KDM4B: variants seen among roughly 807,000 people sequenced by gnomAD.
The protein encoded by KDM4B is lysine-specific demethylase 4B.
In KDM4B, 32 loss-of-function variants were observed where a neutral mutation model predicts 125.2. The observed-to-expected ratio is 0.26, with a 90% CI of 0.19 to 0.34. The LOEUF is 0.34. Among genes scored for constraint, KDM4B ranks in the 10% least tolerant of loss-of-function variants. The pLI is 1.00. For synonymous variants in KDM4B, 721 were observed against 677.9 expected, an observed-to-expected ratio of 1.06 and a Z score of -0.99; for missense variants, 1,190 against 1,577.7, an observed-to-expected ratio of 0.75 and a Z score of 4.16.
chr19:4,996,191 T>C (rs986646246), intron 1 of KDM4B, among the ~76,000 whole-genome samples: 8 of 152,262 alleles, frequency 5.3e-5, no homozygotes, highest in Non-Finnish European at 1.2e-4. Context: ...GGTTTCTCCA[T>C]GTTGGCCAGG....
intron 5 of KDM4B, among the ~76,000 whole-genome samples, chr19:5,042,630 G>C (rs533694950): frequency 6.6e-6 from 1 of 151,868 alleles, no homozygotes; most frequent in Non-Finnish European, 1.5e-5. Flanking sequence ...ACTTAGAGTC[G>C]TGGCAAAGGT....
chr19:5,101,758 A>G (rs1199760291), intron 9 of KDM4B, among the ~76,000 whole-genome samples: 2 of 151,460 alleles, frequency 1.3e-5, no homozygotes, highest in Non-Finnish European at 2.9e-5. Context: ...GGAGGGCCTC[A>G]CTCGGTGCTT....
chr19:5,096,824 C>T (rs1055930682), intron 9 of KDM4B, among the ~76,000 whole-genome samples: 9 of 151,420 alleles, frequency 5.9e-5, no homozygotes, highest in African/African-American at 1.9e-4. Context: ...CCGGCGGTGT[C>T]GGTGGTGCGT....
At chr19:5,150,094 T>A (rs2146122616) in intron 21 of KDM4B, among the ~76,000 whole-genome samples, 1 of 152,338 alleles carries the variant, frequency 6.6e-6, no homozygotes, top group Non-Finnish European at 1.5e-5. Flanking sequence ...TCTGTCTCCA[T>A]GTGGAAGCTG....
chr19:4,994,860 A>C (rs2035149834), intron 1 of KDM4B, among the ~76,000 whole-genome samples: 2 of 152,122 alleles, frequency 1.3e-5, no homozygotes, highest in Admixed American at 1.3e-4. Flanking sequence ...TATTTTTGGA[A>C]GTATTTTCTT....
At position 5,127,028 on chromosome 19, in the gene KDM4B, G is replaced by A. The variant is rs532056408; in HGVS notation, c.1316-4048G>A. Among the ~76,000 whole-genome samples, 16 of 152,332 alleles carry A rather than the reference G, an allele frequency of 1.1e-4. No homozygotes were observed. The East Asian group carries it at 1.5e-3, about 15-fold the overall frequency. On this transcript the variant is annotated intron_variant, in intron 11 of 22. Coordinates refer to ENST00000159111, the MANE Select transcript of KDM4B (RefSeq NM_015015.3). ...TGGAGGCTCTGGTGGAAACCCCGGCGCTGGGGAGGAGTGGCCTCGCCACCA... is the reference window on the plus strand; with the variant it reads ...TGGAGGCTCTGGTGGAAACCCCGGCACTGGGGAGGAGTGGCCTCGCCACCA...
chr19:5,090,461 C>G (rs1193130464), intron 9 of KDM4B, among the ~76,000 whole-genome samples: 1 of 60,206 alleles, frequency 1.7e-5, no homozygotes, highest in Admixed American at 1.5e-4. Flanking sequence ...CCTCTCTCTC[C>G]GCCTCTTTCT....
intron 9 of KDM4B, among the ~76,000 whole-genome samples, chr19:5,090,045 A>C (rs893655252): frequency 6.6e-6 from 1 of 152,210 alleles, no homozygotes; most frequent in East Asian, 1.9e-4. Flanking sequence ...AAAACTGTGA[A>C]GACCCCCAAA....
intron 6 of KDM4B, among the ~76,000 whole-genome samples, chr19:5,048,327 C>T (rs77633048): frequency 0.016 from 2,368 of 152,252 alleles, 28 homozygotes; most frequent in Middle Eastern, 0.1. Context: ...CATGTGAGTG[C>T]GCACGTGAGT....
At chr19:5,028,353 G>A (rs1176484105) in intron 2 of KDM4B, among the ~76,000 whole-genome samples, 1 of 152,192 alleles carries the variant, frequency 6.6e-6, no homozygotes, top group Admixed American at 6.5e-5. Flanking sequence ...TTTTGTGTCT[G>A]GCTTCTCTCA....
At chr19:5,086,349 G>A (rs2038496737) in intron 9 of KDM4B, among the ~76,000 whole-genome samples, 1 of 152,138 alleles carries the variant, frequency 6.6e-6, no homozygotes, top group Admixed American at 6.5e-5. Flanking sequence ...CCGACGCTGT[G>A]CCGTCTGCAA....
In KDM4B at chr19:5,151,576, C is replaced by T; in HGVS notation, c.*65C>T. 1 of 1,256,734 alleles carries T rather than the reference C, an allele frequency of 8.0e-7. No homozygotes were observed. The highest frequency in any genetic ancestry group is 1.0e-6 in the Non-Finnish European group (1 of 989,796). The allele number at this position is 1,256,734 out of a possible 1,614,324, so 77.8% of individuals were successfully genotyped here. A position where few individuals can be genotyped will look rare whatever the true frequency, so the allele number is the denominator to read the frequency against. ...GGCCATGGCATGCCCCGGGCGTTCGCTTGCTGTGAATTCCTGTCCTCGTGT... is the reference window on the plus strand; with the variant it reads ...GGCCATGGCATGCCCCGGGCGTTCGTTTGCTGTGAATTCCTGTCCTCGTGT... On this transcript the variant is annotated 3_prime_UTR_variant, in exon 23 of 23. Coordinates refer to ENST00000159111, the MANE Select transcript of KDM4B (RefSeq NM_015015.3).
chr19:5,092,767 C>G (rs973934513), intron 9 of KDM4B, among the ~76,000 whole-genome samples: 1 of 152,148 alleles, frequency 6.6e-6, no homozygotes, highest in Non-Finnish European at 1.5e-5. Flanking sequence ...GGAGGGGGCT[C>G]GCAGGGCCTG....
chr19:5,031,246 G>A (rs546302402), intron 2 of KDM4B, among the ~76,000 whole-genome samples: 1 of 152,358 alleles, frequency 6.6e-6, no homozygotes, highest in East Asian at 1.9e-4. Flanking sequence ...TGGGCGAGGG[G>A]CCCGCTGGGA....
intron 2 of KDM4B, among the ~76,000 whole-genome samples, chr19:5,026,310 C>A (rs1161734495): frequency 6.6e-6 from 1 of 151,922 alleles, no homozygotes; most frequent in Non-Finnish European, 1.5e-5. Context: ...CAGGCGTGAG[C>A]CACCACGCCC....
chr19:5,084,418 T>G (rs1372237902), intron 9 of KDM4B, among the ~76,000 whole-genome samples: 2 of 140,160 alleles, frequency 1.4e-5, no homozygotes, highest in Non-Finnish European at 3.0e-5. Context: ...AATTACATAA[T>G]TTATATATAT....
At chr19:5,046,313 GC>G (rs1268398472) in intron 5 of KDM4B, among the ~76,000 whole-genome samples, 2 of 152,258 alleles carry the variant, frequency 1.3e-5, no homozygotes, top group Non-Finnish European at 2.9e-5. Flanking sequence ...GAAGCGACTT[GC>G]TGTGGTCCCA....
rs1206752012 is a variant in KDM4B, at chr19:4,971,386, A to G, written c.-109+2156A>G. Among the ~76,000 whole-genome samples the G allele has an allele frequency of 6.7e-6, 1 of 150,280 alleles. No individual in the cohort carries two copies. Among genetic ancestry groups the G allele is most frequent in the Non-Finnish European group, 1.5e-5 (1 of 67,478 alleles). Reference sequence around the variant, plus strand: ...CTGTGTCCTTCTCTCCCACCTGACCACTCTGCCTGTACTTTAATTCCTAAT... The same window carrying G: ...CTGTGTCCTTCTCTCCCACCTGACCGCTCTGCCTGTACTTTAATTCCTAAT... On this transcript the variant is annotated intron_variant, in intron 1 of 22. Transcript: ENST00000159111. This position sits in a 1 kb window ranked among gnomAD's most constrained non-coding sequence, Gnocchi z 4.1.
At chr19:5,061,302 T>C (rs566119646) in intron 6 of KDM4B, among the ~76,000 whole-genome samples, 3 of 152,334 alleles carry the variant, frequency 2.0e-5, no homozygotes, top group South Asian at 4.1e-4. Flanking sequence ...CTCCTGTGTG[T>C]CTCAATAAAA....
Sources: allele counts gnomAD v4.1 joint callset (sites outside exome capture counted in the v4.1 genomes callset), GRCh38; gene constraint gnomAD v4.1.1; non-coding constraint Gnocchi (gnomAD v3.1); transcripts MANE v1.5; gene names NCBI Gene and HGNC (gene_info 2026-07-23, HGNC 2026-07-21).